GRID2: variants seen among roughly 807,000 people sequenced by gnomAD.
The protein encoded by GRID2 is glutamate receptor ionotropic, delta-2.
In GRID2, 33 loss-of-function variants were observed where a neutral mutation model predicts 114.8. That is an observed-to-expected ratio of 0.29 (90% CI 0.22 to 0.38). GRID2 has a LOEUF of 0.38. Ranked by LOEUF, GRID2 falls within the 10% of genes least tolerant of loss-of-function variation. The probability of loss-of-function intolerance (pLI) is 1.00; values close to 1 mark genes in which losing one functional copy is unlikely to be tolerated. For missense variants in GRID2, 1,184 were observed against 1,257.7 expected (o/e 0.94, Z 0.89); for synonymous variants, 505 against 449.9 (o/e 1.12, Z -1.55).
intron 1 of GRID2, among the ~76,000 whole-genome samples, chr4:93,781,734 A>G (rs1734482431): frequency 6.6e-6 from 1 of 152,228 alleles, no homozygotes; most frequent in African/African-American, 2.4e-5. Context: ...AACAGTTGTT[A>G]TACTGTACAG....
intron 1 of GRID2, among the ~76,000 whole-genome samples, chr4:92,335,468 T>C (rs1035932031): frequency 5.9e-5 from 9 of 152,238 alleles, no homozygotes; most frequent in Non-Finnish European, 1.2e-4. Flanking sequence ...TATTATGATT[T>C]ATTTTTCTTT....
intron 2 of GRID2, among the ~76,000 whole-genome samples, chr4:92,675,399 T>G (rs1341662194): frequency 1.3e-5 from 2 of 152,238 alleles, no homozygotes; most frequent in African/African-American, 2.4e-5. Flanking sequence ...TCTTCAGAAT[T>G]TTGGAGCTTT....
intron 13 of GRID2, among the ~76,000 whole-genome samples, chr4:93,518,417 A>T (rs893290522): frequency 6.6e-6 from 1 of 152,098 alleles, no homozygotes; most frequent in Non-Finnish European, 1.5e-5. Context: ...GATCTTTTGC[A>T]TAAGTAGAAA....
chr4:92,970,688 T>A (rs1753450094), intron 2 of GRID2, among the ~76,000 whole-genome samples: 1 of 151,952 alleles, frequency 6.6e-6, no homozygotes, highest in Admixed American at 6.6e-5. Flanking sequence ...GAAATAATTT[T>A]GTTAAATTCC....
intron 13 of GRID2, among the ~76,000 whole-genome samples, chr4:93,604,352 G>A (rs1443382161): frequency 6.6e-6 from 1 of 152,286 alleles, no homozygotes; most frequent in African/African-American, 2.4e-5. Context: ...TAGACATGGA[G>A]CCTGACAACG....
chr4:93,322,707 G>A (rs1390000224), intron 8 of GRID2, among the ~76,000 whole-genome samples: 1 of 152,122 alleles, frequency 6.6e-6, no homozygotes, highest in Admixed American at 6.6e-5. Context: ...TCCAGTACCT[G>A]TTGTTTCCTG....
chr4:92,968,545 G>T (rs1048113484), intron 2 of GRID2, among the ~76,000 whole-genome samples: 1 of 151,876 alleles, frequency 6.6e-6, no homozygotes, highest in African/African-American at 2.4e-5. Flanking sequence ...TAGTTTCATT[G>T]ATACATCTCA....
intron 14 of GRID2, among the ~76,000 whole-genome samples, chr4:93,634,199 G>T (rs1721206305): frequency 6.6e-6 from 1 of 152,118 alleles, no homozygotes; most frequent in South Asian, 2.1e-4. Context: ...CAAAATCAGT[G>T]AAGGTTAGAA....
chr4:93,046,674 A>G (rs932465572), intron 2 of GRID2, among the ~76,000 whole-genome samples: 19 of 151,696 alleles, frequency 1.3e-4, no homozygotes, highest in African/African-American at 4.6e-4. Flanking sequence ...CATCTTGCCA[A>G]CTCTACCTTG....
At chr4:92,621,534 A>G (rs1730275212) in intron 2 of GRID2, among the ~76,000 whole-genome samples, 1 of 151,770 alleles carries the variant, frequency 6.6e-6, no homozygotes, top group South Asian at 2.1e-4. Flanking sequence ...TAGTTGGTGC[A>G]TACCTATAGT....
chr4:93,549,731 A>G (rs893966180), intron 13 of GRID2, among the ~76,000 whole-genome samples: 2 of 152,172 alleles, frequency 1.3e-5, no homozygotes, highest in African/African-American at 2.4e-5. Flanking sequence ...AAAGGAGAGA[A>G]CTTTTCTGCC....
chr4:92,476,938 G>T (rs1159901040), intron 1 of GRID2, among the ~76,000 whole-genome samples: 1 of 147,180 alleles, frequency 6.8e-6, no homozygotes, highest in Non-Finnish European at 1.5e-5. Flanking sequence ...GACTGGTGGA[G>T]TGGTCCAAAG....
intron 2 of GRID2, among the ~76,000 whole-genome samples, chr4:92,833,089 G>T (rs1742229185): frequency 6.6e-6 from 1 of 152,118 alleles, no homozygotes; most frequent in Admixed American, 6.6e-5. Context: ...AAGCATAGAG[G>T]TAATTCAACA....
chr4:93,794,980 GA>G (rs1282003467), intron 1 of GRID2, among the ~76,000 whole-genome samples: 1 of 152,070 alleles, frequency 6.6e-6, no homozygotes, highest in East Asian at 1.9e-4. Flanking sequence ...ATTTACTTTA[GA>G]AAACAAACTG....
chr4:92,476,398 AC>A (rs1261900213), intron 1 of GRID2, among the ~76,000 whole-genome samples: 1 of 152,182 alleles, frequency 6.6e-6, no homozygotes, highest in Non-Finnish European at 1.5e-5. Flanking sequence ...TTATTTAAAC[AC>A]GACAACAATC....
intron 1 of GRID2, among the ~76,000 whole-genome samples, chr4:92,569,006 A>C (rs1246256028): frequency 6.6e-6 from 1 of 152,000 alleles, no homozygotes; most frequent in Non-Finnish European, 1.5e-5. Flanking sequence ...CATGTGCAAG[A>C]CATGCCGGCT....
intron 2 of GRID2, among the ~76,000 whole-genome samples, chr4:92,766,995 C>T (rs1738299440): frequency 6.6e-6 from 1 of 152,160 alleles, no homozygotes; most frequent in South Asian, 2.1e-4. Flanking sequence ...CCCTTTTACT[C>T]ACTTTTGGTA....
At chr4:92,802,023 A>G (rs1047889345) in intron 2 of GRID2, among the ~76,000 whole-genome samples, 3 of 151,856 alleles carry the variant, frequency 2.0e-5, no homozygotes, top group African/African-American at 7.2e-5. Context: ...ATACTATCGG[A>G]TGATTTTTAA....
intron 2 of GRID2, among the ~76,000 whole-genome samples, chr4:92,929,749 A>T (rs1009453697): frequency 6.7e-6 from 1 of 148,742 alleles, no homozygotes; most frequent in Non-Finnish European, 1.5e-5. Flanking sequence ...CTCCTTTGCC[A>T]TATTCTGCAT....
Sources: gnomAD v4.1 joint callset for allele counts (sites outside exome capture counted in the v4.1 genomes callset) on GRCh38, gnomAD v4.1.1 for gene constraint, MANE v1.5 for transcripts, NCBI Gene and HGNC (gene_info 2026-07-23, HGNC 2026-07-21) for gene names.